Variants in CNTNAP2 observed in about 807,000 individuals in gnomAD.
CNTNAP2 encodes contactin-associated protein-like 2.
A neutral mutation model predicts 155.2 loss-of-function variants in CNTNAP2; 98 were observed. The observed-to-expected ratio is 0.63, with a 90% CI of 0.54 to 0.75. The LOEUF (loss-of-function observed/expected upper bound fraction) is 0.75. Among genes scored for constraint, CNTNAP2 ranks in the 30% least tolerant of loss-of-function variants. CNTNAP2 has a pLI of 0.00. For missense variants in CNTNAP2, 1,727 were observed against 1,688.1 expected (o/e 1.02, Z -0.40); for synonymous variants, 651 against 631.2 (o/e 1.03, Z -0.47).
chr7:146,667,960 T>G (rs1241545522), intron 1 of CNTNAP2, among the ~76,000 whole-genome samples: 1 of 152,116 alleles, frequency 6.6e-6, no homozygotes, highest in Non-Finnish European at 1.5e-5. Context: ...GTGGATGCCC[T>G]TTAATTTTCA....
intron 3 of CNTNAP2, among the ~76,000 whole-genome samples, chr7:146,906,487 C>G (rs545249742): frequency 0.017 from 2,577 of 151,906 alleles, 26 homozygotes; most frequent in Admixed American, 0.026. Context: ...CAAGTGGGTC[C>G]CTGACCCCTG....
At chr7:146,425,380 C>T (rs1230591172) in intron 1 of CNTNAP2, among the ~76,000 whole-genome samples, 1 of 152,096 alleles carries the variant, frequency 6.6e-6, no homozygotes, top group African/African-American at 2.4e-5. Context: ...AAGTTATTTT[C>T]CTTTTTCTTC....
intron 3 of CNTNAP2, among the ~76,000 whole-genome samples, chr7:146,960,131 G>A (rs1329329942): frequency 6.6e-6 from 1 of 152,008 alleles, no homozygotes; most frequent in Non-Finnish European, 1.5e-5. Context: ...TCCTTTTCTT[G>A]CACTGAAAGT....
intron 18 of CNTNAP2, among the ~76,000 whole-genome samples, chr7:148,212,118 G>C (rs1051755845): frequency 8.0e-5 from 12 of 149,418 alleles, no homozygotes; most frequent in African/African-American, 2.4e-4. Context: ...GCTGTTGTTT[G>C]CTTTTGGTTT....
At chr7:148,246,345 A>G (rs1465588992) in intron 20 of CNTNAP2, among the ~76,000 whole-genome samples, 1 of 152,234 alleles carries the variant, frequency 6.6e-6, no homozygotes, top group Non-Finnish European at 1.5e-5. Context: ...TTTCAACCAC[A>G]TAAAATGAGT....
intron 8 of CNTNAP2, among the ~76,000 whole-genome samples, chr7:147,219,371 A>G (rs1318777947): frequency 6.6e-6 from 1 of 152,194 alleles, no homozygotes; most frequent in Non-Finnish European, 1.5e-5. Context: ...GCAGCCTTCA[A>G]TCTATAGCAG....
At chr7:146,533,285 TG>T (rs1797798365) in intron 1 of CNTNAP2, among the ~76,000 whole-genome samples, 1 of 152,072 alleles carries the variant, frequency 6.6e-6, no homozygotes, top group South Asian at 2.1e-4. Flanking sequence ...GCTCAAACAT[TG>T]TATATGCCCA....
intron 13 of CNTNAP2, among the ~76,000 whole-genome samples, chr7:147,865,712 C>T (rs556439399): frequency 3.3e-5 from 5 of 152,226 alleles, no homozygotes; most frequent in South Asian, 4.2e-4. Context: ...AGTTTATTTG[C>T]GTAGAAGTGT....
chr7:147,452,339 C>T (rs899384993), intron 10 of CNTNAP2, among the ~76,000 whole-genome samples: 1 of 152,106 alleles, frequency 6.6e-6, no homozygotes, highest in Non-Finnish European at 1.5e-5. Context: ...CTGGCCTTGA[C>T]AGAGTATAAT....
intron 1 of CNTNAP2, among the ~76,000 whole-genome samples, chr7:146,711,771 TATACACATCTTATGTATACATATATA>T: frequency 7.1e-6 from 1 of 139,910 alleles, no homozygotes; most frequent in Non-Finnish European, 1.6e-5. Flanking sequence ...ACATATATAG[TATACACATCTTATGTATACATATATA>T]GTATACACAT....
chr7:146,448,488 T>C (rs1230343656), intron 1 of CNTNAP2, among the ~76,000 whole-genome samples: 2 of 152,002 alleles, frequency 1.3e-5, no homozygotes, highest in African/African-American at 4.8e-5. Flanking sequence ...TCTGTTCTCA[T>C]ATTTTATAAG....
At chr7:147,253,578 G>A (rs1334021937) in intron 8 of CNTNAP2, among the ~76,000 whole-genome samples, 1 of 152,168 alleles carries the variant, frequency 6.6e-6, no homozygotes, top group African/African-American at 2.4e-5. Flanking sequence ...TGAAAGCAGA[G>A]AAAGAATAAC....
intron 1 of CNTNAP2, among the ~76,000 whole-genome samples, chr7:146,150,660 T>C (rs1483271919): frequency 6.6e-6 from 1 of 152,054 alleles, no homozygotes; most frequent in East Asian, 1.9e-4. Context: ...CTATAATTCC[T>C]TTTATTAATA....
chr7:146,287,304 C>G (rs1183080265), intron 1 of CNTNAP2, among the ~76,000 whole-genome samples: 4 of 151,526 alleles, frequency 2.6e-5, no homozygotes, highest in Admixed American at 1.3e-4. Context: ...CTGGAAATAT[C>G]TCTTCAAAGT....
At chr7:147,158,457 C>A (rs531333678) in intron 8 of CNTNAP2, among the ~76,000 whole-genome samples, 1 of 152,144 alleles carries the variant, frequency 6.6e-6, no homozygotes, top group South Asian at 2.1e-4. Context: ...ACAAAAGGAA[C>A]ACATATCGAC....
At chr7:147,892,848 A>C (rs972496593) in intron 13 of CNTNAP2, among the ~76,000 whole-genome samples, 3 of 152,220 alleles carry the variant, frequency 2.0e-5, no homozygotes, top group African/African-American at 7.2e-5. Flanking sequence ...AAATGCAGCA[A>C]AATCCAGTGT....
At chr7:146,724,933 TG>T (rs1385703404) in intron 1 of CNTNAP2, among the ~76,000 whole-genome samples, 4 of 152,096 alleles carry the variant, frequency 2.6e-5, no homozygotes, top group African/African-American at 9.7e-5. Context: ...AACCACAGAT[TG>T]GGTCACTTAA....
At chr7:148,329,176 G>A (rs1024854542) in intron 21 of CNTNAP2, among the ~76,000 whole-genome samples, 1 of 151,978 alleles carries the variant, frequency 6.6e-6, no homozygotes, top group Non-Finnish European at 1.5e-5. Flanking sequence ...GGGATTCTCT[G>A]GTGTTTCTGA....
chr7:147,782,928 A>C (rs1208970447), intron 13 of CNTNAP2, among the ~76,000 whole-genome samples: 2 of 152,256 alleles, frequency 1.3e-5, no homozygotes, highest in Admixed American at 1.3e-4. Flanking sequence ...ACTGCAGTTT[A>C]AATCATATCC....
Sources: allele counts gnomAD v4.1 joint callset (sites outside exome capture counted in the v4.1 genomes callset), GRCh38; gene constraint gnomAD v4.1.1; transcripts MANE v1.5; gene names NCBI Gene and HGNC (gene_info 2026-07-23, HGNC 2026-07-21).